DAB1: variants seen among roughly 807,000 people sequenced by gnomAD.
DAB1 encodes disabled homolog 1.
A neutral mutation model predicts 64.6 loss-of-function variants in DAB1; 15 were observed. The observed-to-expected ratio is 0.23, with a 90% CI of 0.16 to 0.36. DAB1 has a LOEUF of 0.36. Among genes scored for constraint, DAB1 ranks in the 10% least tolerant of loss-of-function variants. DAB1 has a pLI of 1.00. For synonymous variants in DAB1, 235 were observed against 251.9 expected (o/e 0.93, Z 0.64); for missense variants, 596 against 706.7 (o/e 0.84, Z 1.78).
chr1:58,165,445 C>G (rs1655781722), intron 4 of DAB1, among the ~76,000 whole-genome samples: 1 of 152,158 alleles, frequency 6.6e-6, no homozygotes, highest in African/African-American at 2.4e-5. Context: ...CAAAAGGAGG[C>G]TCTCTTCTCG....
chr1:57,959,832 G>T (rs1028603030), intron 5 of DAB1, among the ~76,000 whole-genome samples: 7 of 152,130 alleles, frequency 4.6e-5, no homozygotes, highest in Non-Finnish European at 8.8e-5. Context: ...GGACCTTTCT[G>T]CTTCCATTTA....
At chr1:57,698,644 G>A (rs1646873779) in intron 6 of DAB1, among the ~76,000 whole-genome samples, 1 of 152,162 alleles carries the variant, frequency 6.6e-6, no homozygotes, top group Admixed American at 6.6e-5. Flanking sequence ...TGGATGGAGA[G>A]AGAAATGATT....
intron 5 of DAB1, among the ~76,000 whole-genome samples, chr1:57,968,093 A>G (rs974725756): frequency 6.6e-6 from 1 of 152,078 alleles, no homozygotes; most frequent in African/African-American, 2.4e-5. Flanking sequence ...TGTCTGAAAG[A>G]GTGTGTGGAT....
chr1:57,271,082 A>C (rs1670959535), intron 2 of DAB1, among the ~76,000 whole-genome samples: 1 of 152,220 alleles, frequency 6.6e-6, no homozygotes, highest in East Asian at 1.9e-4. Flanking sequence ...AGAAAGGTTA[A>C]ACCTGACACC....
chr1:57,531,784 T>C (rs1411983664), intron 7 of DAB1, among the ~76,000 whole-genome samples: 1 of 152,194 alleles, frequency 6.6e-6, no homozygotes. Flanking sequence ...ATTTGTAGCA[T>C]TTGCTTATTT....
chr1:58,075,437 C>G (rs1037833274), intron 5 of DAB1, among the ~76,000 whole-genome samples: 1 of 152,198 alleles, frequency 6.6e-6, no homozygotes, highest in Non-Finnish European at 1.5e-5. Flanking sequence ...TTGCCACATT[C>G]CCTTCCTTAC....
At chr1:58,480,778 A>G in intron 3 of DAB1, 2 of 457,156 alleles carry the variant, frequency 4.4e-6, no homozygotes, top group African/African-American at 2.0e-5. Context: ...ATTTTAACAT[A>G]GATTAAAATA....
chr1:57,274,481 G>A (rs184499442), intron 2 of DAB1, among the ~76,000 whole-genome samples: 19 of 152,254 alleles, frequency 1.2e-4, no homozygotes, highest in Admixed American at 9.2e-4. Flanking sequence ...CATAGTAAGC[G>A]CTCAATAAAT....
chr1:57,788,893 CA>C (rs1467481843), intron 6 of DAB1, among the ~76,000 whole-genome samples: 2 of 152,096 alleles, frequency 1.3e-5, no homozygotes, highest in African/African-American at 2.4e-5. Context: ...GAGCTGCCAC[CA>C]AAAATTGAGG....
At chr1:57,991,325 G>A (rs1379500274) in intron 5 of DAB1, among the ~76,000 whole-genome samples, 1 of 152,168 alleles carries the variant, frequency 6.6e-6, no homozygotes, top group Non-Finnish European at 1.5e-5. Context: ...TCTTGTGGGT[G>A]ACAATGCTAT....
chr1:57,023,095 C>A (rs191971330), intron 11 of DAB1, among the ~76,000 whole-genome samples: 23 of 152,366 alleles, frequency 1.5e-4, no homozygotes, highest in Admixed American at 7.2e-4. Context: ...TGTCTGGGGA[C>A]CTTCCCTTTC....
chr1:57,779,138 G>A (rs1649950878), intron 6 of DAB1, among the ~76,000 whole-genome samples: 1 of 152,166 alleles, frequency 6.6e-6, no homozygotes, highest in Admixed American at 6.5e-5. Context: ...TAATCAGAGA[G>A]TAATGAGAAG....
intron 5 of DAB1, among the ~76,000 whole-genome samples, chr1:57,897,392 ATCTTG>A (rs1644406835): frequency 6.6e-6 from 1 of 152,128 alleles, no homozygotes; most frequent in Non-Finnish European, 1.5e-5. Flanking sequence ...TTGTGTGGGA[ATCTTG>A]TCTTTTCATT....
chr1:58,167,957 G>A (rs145772381), intron 4 of DAB1, among the ~76,000 whole-genome samples: 1,660 of 152,270 alleles, frequency 0.011, 31 homozygotes, highest in African/African-American at 0.038. Flanking sequence ...TGAAGTCAGC[G>A]AGACAAAGAA....
rs904441316 is a variant in DAB1 at position 57,636,602 on chromosome 1, G to A, written n.625+12990C>T. ...AGGTGGTAAAGACTGGCTGAATCCT[G>A]AATGCAGTTTGCAGGTAGAGCCAAC... On this transcript the variant is annotated intron_variant and non_coding_transcript_variant, in intron 7 of 20. Coordinates refer to the DAB1 transcript ENST00000485760. 3.9e-5 allele frequency among the ~76,000 whole-genome samples: 6 copies of A among 152,306 alleles called. No individual in the cohort carries two copies. In the South Asian group the frequency reaches 8.3e-4, roughly 21 times the overall value.
chr1:57,829,342 A>G lies in DAB1; in HGVS notation n.88-2887T>C, dbSNP rs77000324. On this transcript the variant is annotated intron_variant and non_coding_transcript_variant, in intron 1 of 1. Transcript: ENST00000477280. ...AGTCAGAAATGTTTTGTGGTTTTGG[A>G]GCCTCAGAGAACGTAGCTTTGATTT... Among the ~76,000 whole-genome samples the G allele has an allele frequency of 4.9e-4, 75 of 152,324 alleles. No individual in the cohort carries two copies. The East Asian group carries it at 0.014, about 29-fold the overall frequency.
chr1:57,293,051 G>A (rs1672908318), intron 1 of DAB1, among the ~76,000 whole-genome samples: 1 of 151,652 alleles, frequency 6.6e-6, no homozygotes, highest in African/African-American at 2.4e-5. Context: ...GAATGAATGA[G>A]TGGTTGTCTC....
chr1:57,107,671 G>A (rs781627089), intron 4 of DAB1, among the ~76,000 whole-genome samples: 1 of 152,194 alleles, frequency 6.6e-6, no homozygotes, highest in Admixed American at 6.5e-5. Context: ...TTAGAAATGA[G>A]TAAATGTAGG....
chr1:57,667,693 G>T (rs1646464459), intron 6 of DAB1, among the ~76,000 whole-genome samples: 1 of 151,906 alleles, frequency 6.6e-6, no homozygotes, highest in South Asian at 2.1e-4. Context: ...ATACTATATA[G>T]CCATAAAAAA....
Sources: gnomAD v4.1 joint callset for allele counts (sites outside exome capture counted in the v4.1 genomes callset) on GRCh38, gnomAD v4.1.1 for gene constraint, MANE v1.5 for transcripts, NCBI Gene and HGNC (gene_info 2026-07-23, HGNC 2026-07-21) for gene names.